KCNAB3: variants seen among roughly 807,000 people sequenced by gnomAD.
KCNAB3 encodes voltage-gated potassium channel subunit beta-3.
A neutral mutation model predicts 67.7 loss-of-function variants in KCNAB3; 62 were observed. The observed-to-expected ratio is 0.92, with a 90% CI of 0.75 to 1.13. The LOEUF (loss-of-function observed/expected upper bound fraction) is 1.13. KCNAB3 is among the 50% of genes most tolerant of loss of function. The pLI, the probability that KCNAB3 is intolerant of heterozygous loss-of-function variation, is 0.00. For missense variants in KCNAB3, 514 were observed against 522.9 expected (o/e 0.98, Z 0.17); for synonymous variants, 212 against 205.4 (o/e 1.03, Z -0.27).
chr17:7,924,436 T>G lies in KCNAB3; in HGVS notation c.690A>C (p.Arg230=), dbSNP rs1458561640. The change falls in exon 9 of 14, where the codon CGA becomes CGC. Residue 230 remains arginine (R), a synonymous_variant. Transcript: ENST00000303790. The part of the protein sequence containing the change: ...QGLALYWGTS[R]WGAAEIMEAY... ...TCACCATGATTTCTGCAGCCCCCCA[T>G]CGGGATGTCCCCCAGTATAGGGCCA... The G allele has an allele frequency of 6.2e-7, 1 of 1,613,850 alleles. No homozygotes were observed. The highest frequency in any genetic ancestry group is 8.5e-7 in the Non-Finnish European group (1 of 1,179,928).
chr17:7,927,154 G>A, intron 4 of KCNAB3, 190 bp downstream of exon 4: 1 of 656,382 alleles, frequency 1.5e-6, no homozygotes, highest in Admixed American at 2.3e-5. Context: ...TACGCCCATT[G>A]ACTTCTAAGC....
rs561050517 is a variant in KCNAB3, at chr17:7,923,118, G to A, written c.1199C>T (p.Pro400Leu). 1.2e-6 allele frequency: 2 copies of A among 1,614,130 alleles called. No homozygotes were observed. The highest frequency in any genetic ancestry group is 2.2e-5 in the East Asian group (1 of 44,880). The change falls in exon 14 of 14, where the codon CCG (proline) becomes CTG (leucine). Residue 400 changes from proline (P) to leucine (L), a missense_variant. Pro to Leu is a moderately conservative substitution (Grantham distance 98). Transcript: ENST00000303790. The stretch of plus-strand genomic sequence containing the variant: ...CGCGACAGACTACTTCTTGGAATGC[G>A]GCTTGTTTCCCAGGAGCCCGTCTAT... ...MEIDGLLGNKPHSKK is the reference protein window; with the variant it reads ...MEIDGLLGNKLHSKK
In KCNAB3 at chr17:7,929,255, G is replaced by A. The variant is rs755816442; in HGVS notation, c.181C>T (p.Pro61Ser). ...CGGAGGGCCCCAGCGGGCGCTGGGG[G>A]TCGGGGAACCAGTGCAGCTCGGGCC... ...PKARAALVPR[P>S]PAPAGALRES... The change falls in exon 1 of 14, where the codon CCC (proline) becomes TCC (serine). Residue 61 changes from proline to serine, a missense_variant. By Grantham distance (74) the Pro-to-Ser change is moderately conservative. Transcript: ENST00000303790. This position sits in a 1 kb window ranked among gnomAD's most constrained non-coding sequence, Gnocchi z 5.7. The A allele has an allele frequency of 6.2e-7, 1 of 1,608,224 alleles. No individual in the cohort carries two copies. Among genetic ancestry groups the A allele is most frequent in the South Asian group, 1.1e-5 (1 of 90,430 alleles).
intron 4 of KCNAB3, among the ~76,000 whole-genome samples, chr17:7,926,401 G>A (rs1000263522): frequency 2.0e-5 from 3 of 152,208 alleles, no homozygotes; most frequent in Non-Finnish European, 4.4e-5. Context: ...GTGGAGCCAG[G>A]AAGGACACTG....
Position 7,923,051 on chromosome 17 carries a change from G to C in KCNAB3, c.*51C>G. The C allele has an allele frequency of 1.3e-6, 2 of 1,555,584 alleles. No homozygotes were observed. Among genetic ancestry groups the C allele is most frequent in the Non-Finnish European group, 1.8e-6 (2 of 1,127,408 alleles). The stretch of plus-strand genomic sequence containing the variant: ...CGGGAGAGGCGGCTGCGAGGAGCGG[G>C]GCTCGGGCGGGTGCAGCGACACCGG... On this transcript the variant is annotated 3_prime_UTR_variant, in exon 14 of 14. Transcript: ENST00000303790.
In KCNAB3 at chr17:7,929,472, GACGGGA is replaced by G; in HGVS notation, c.-43_-38del. 6.7e-7 allele frequency: 1 copy of G among 1,492,110 alleles called. No homozygotes were observed. Among genetic ancestry groups the G allele is most frequent in the Non-Finnish European group, 9.1e-7 (1 of 1,103,120 alleles). 92.4% of individuals were successfully genotyped at this position (1,492,110 alleles called of 1,614,324 possible). On this transcript the variant is annotated 5_prime_UTR_variant, in exon 1 of 14. Transcript: ENST00000303790. The surrounding 1 kb of genome is among the most constrained non-coding windows in gnomAD (Gnocchi z 5.7). ...GAGGCGGGGGAGGGGGCTCCGAGGG[GACGGGA>G]GGGGGGAGCAGGGAAGCCCGAGGGC...
rs774222899 is a variant in KCNAB3 at position 7,929,186 on chromosome 17, C to A, written c.242+8G>T. ...CGGAAGGGGTGGGCTGCCCGGCCAC[C>A]CCCATACCTGTATTTCATGCCAGTG... is the stretch of plus-strand genomic sequence containing the variant. On this transcript the variant is annotated splice_region_variant and intron_variant, in intron 1 of 13. Transcript: ENST00000303790. This position sits in a 1 kb window ranked among gnomAD's most constrained non-coding sequence, Gnocchi z 5.7. 38 of 1,611,660 alleles carry A rather than the reference C, an allele frequency of 2.4e-5. No homozygotes were observed. In the African/African-American group the frequency reaches 4.9e-4, roughly 21 times the overall value.
chr17:7,924,334 C>T (rs1972152191), intron 9 of KCNAB3, 69 bp from the exon 10 acceptor site: 3 of 1,610,422 alleles, frequency 1.9e-6, no homozygotes, highest in Non-Finnish European at 2.5e-6. Context: ...CCTTCTCCCC[C>T]AGTGCAGTGG....
Position 7,929,075 on chromosome 17 carries a change from G to T in KCNAB3, c.242+119C>A. Reference sequence around the variant, plus strand: ...GGGAGTGCCAGAGACAGAAAGAAGAGATGGAAAGAAGGGAGACCTACTTAG... The same window carrying T: ...GGGAGTGCCAGAGACAGAAAGAAGATATGGAAAGAAGGGAGACCTACTTAG... On this transcript the variant is annotated intron_variant, in intron 1 of 13. Coordinates refer to ENST00000303790, the MANE Select transcript of KCNAB3 (RefSeq NM_004732.4). The surrounding 1 kb of genome is among the most constrained non-coding windows in gnomAD (Gnocchi z 5.7). 2 of 1,422,466 alleles carry T rather than the reference G, an allele frequency of 1.4e-6. No individual in the cohort carries two copies. The highest frequency in any genetic ancestry group is 1.9e-6 in the Non-Finnish European group (2 of 1,060,808). 88.1% of individuals were successfully genotyped at this position (1,422,466 alleles called of 1,614,324 possible).
chr17:7,924,398 T>TG lies in KCNAB3; in HGVS notation c.711+16dup. On this transcript the variant is annotated intron_variant, in intron 9 of 13. Coordinates refer to ENST00000303790, the MANE Select transcript of KCNAB3 (RefSeq NM_004732.4). ...AACCAGTTGTGGGACAGGGGCAAGG[T>TG]GGGGTCACACACTCACCATGATTTC... 6.2e-7 allele frequency: 1 copy of TG among 1,612,024 alleles called. No homozygotes were observed. The highest frequency in any genetic ancestry group is 8.5e-7 in the Non-Finnish European group (1 of 1,178,660).
chr17:7,923,495 C>G lies in KCNAB3; in HGVS notation c.1098G>C (p.Ser366=), dbSNP rs1252623718. 1.9e-6 allele frequency: 3 copies of G among 1,612,466 alleles called. No homozygotes were observed. Among genetic ancestry groups the G allele is most frequent in the Admixed American group, 3.3e-5 (2 of 59,896 alleles). ...GGTGTTCTATCAACTGCTCCGCACT[C>G]GACACCCCCAGCAAGACAGAGCTGA... is the stretch of plus-strand genomic sequence containing the variant. ...EGVSSVLLGV[S]SAEQLIEHLG... Residue 366 remains serine, a synonymous_variant, in exon 13 of 14, where the codon TCG becomes TCC. Transcript: ENST00000303790.
chr17:7,927,008 A>G, intron 4 of KCNAB3: 1 of 304,668 alleles, frequency 3.3e-6, no homozygotes, highest in Admixed American at 4.3e-5. Context: ...GATGGGGAAG[A>G]GGCAGGGTAG....
chr17:7,924,340 A>T, intron 9 of KCNAB3, 75 bp from the exon 10 acceptor site: 1 of 1,610,316 alleles, frequency 6.2e-7, no homozygotes, highest in South Asian at 1.1e-5. Context: ...CCCCCAGTGC[A>T]GTGGGCTTTG....
At position 7,929,822 on chromosome 17, in the gene KCNAB3, TGGGCTCCCAGCCG is replaced by T; in HGVS notation, c.-400_-388del. The T allele has an allele frequency of 2.6e-5, 28 of 1,066,390 alleles. No individual in the cohort carries two copies. Among genetic ancestry groups the T allele is most frequent in the Admixed American group, 2.6e-4 (5 of 19,136 alleles). The allele number at this position is 1,066,390 out of a possible 1,614,324, so 66.1% of individuals were successfully genotyped here. On this transcript the variant is annotated 5_prime_UTR_variant, in exon 1 of 14. Transcript: ENST00000303790. This position sits in a 1 kb window ranked among gnomAD's most constrained non-coding sequence, Gnocchi z 5.7. ...CAGCGCGAACCGCTGCGGGACCCGCTGGGCTCCCAGCCGCGTCGGCAGCGGGCCCAGCTCATCA... is the reference window on the plus strand; with the variant it reads ...CAGCGCGAACCGCTGCGGGACCCGCTCGTCGGCAGCGGGCCCAGCTCATCA...
At position 7,927,771 on chromosome 17, in the gene KCNAB3, A is replaced by G. The variant is rs376197699; in HGVS notation, c.286+12T>C. The G allele has an allele frequency of 8.7e-6, 14 of 1,614,000 alleles. No homozygotes were observed. In the African/African-American group the frequency reaches 1.3e-4, roughly 15 times the overall value. On this transcript the variant is annotated intron_variant, in intron 2 of 13. Transcript: ENST00000303790. ...GAATGCCCTCCTTTCCTTAATCCCTATTCTGACTCACCTAGGCCAAGACAG... is the reference window on the plus strand; with the variant it reads ...GAATGCCCTCCTTTCCTTAATCCCTGTTCTGACTCACCTAGGCCAAGACAG...
intron 4 of KCNAB3, among the ~76,000 whole-genome samples, chr17:7,926,445 C>T (rs1474493176): frequency 6.6e-6 from 1 of 152,166 alleles, no homozygotes; most frequent in African/African-American, 2.4e-5. Context: ...GGTTGCCCTC[C>T]TCCTTCTTTG....
At chr17:7,923,581 G>A (rs771114756) in intron 12 of KCNAB3, 37 bp from the exon 13 acceptor site, 20 of 1,569,802 alleles carry the variant, frequency 1.3e-5, no homozygotes, top group Admixed American at 3.7e-5. Flanking sequence ...GACTGATGGG[G>A]AACAGTGACC....
rs567367025 is a variant in KCNAB3 at position 7,923,500 on chromosome 17, C to T, written c.1093G>A (p.Val365Met). The change falls in exon 13 of 14, where the codon GTG (valine) becomes ATG (methionine). Residue 365 changes from valine (V) to methionine (M), a missense_variant. By Grantham distance (21) the Val-to-Met change is conservative. Coordinates refer to ENST00000303790, the MANE Select transcript of KCNAB3 (RefSeq NM_004732.4). ...TCTATCAACTGCTCCGCACTCGACA[C>T]CCCCAGCAAGACAGAGCTGACACCC... Reference protein sequence around the residue: ...SEGVSSVLLGVSSAEQLIEHL... With the variant: ...SEGVSSVLLGMSSAEQLIEHL... The T allele has an allele frequency of 6.2e-6, 10 of 1,612,720 alleles. No homozygotes were observed. Among genetic ancestry groups the T allele is most frequent in the Admixed American group, 1.7e-5 (1 of 59,942 alleles).
Position 7,929,755 on chromosome 17 carries a change from T to G in KCNAB3, c.-320A>C. The stretch of plus-strand genomic sequence containing the variant: ...AGGATGAGGTAAAGGTCTCGGAGGA[T>G]AAGGACCCAGGGGGAAGCGGGGCGG... On this transcript the variant is annotated 5_prime_UTR_variant, in exon 1 of 14. Coordinates refer to ENST00000303790, the MANE Select transcript of KCNAB3 (RefSeq NM_004732.4). This position sits in a 1 kb window ranked among gnomAD's most constrained non-coding sequence, Gnocchi z 5.7. 8.5e-7 allele frequency: 1 copy of G among 1,182,846 alleles called. No homozygotes were observed. 73.3% of individuals were successfully genotyped at this position (1,182,846 alleles called of 1,614,324 possible).
Sources: allele counts gnomAD v4.1 joint callset (sites outside exome capture counted in the v4.1 genomes callset), GRCh38; gene constraint gnomAD v4.1.1; non-coding constraint Gnocchi (gnomAD v3.1); transcripts MANE v1.5; gene names NCBI Gene and HGNC (gene_info 2026-07-23, HGNC 2026-07-21).